The following DPP6 variants were observed in gnomAD, a reference collection of about 807,000 sequenced individuals.
The protein encoded by DPP6 is A-type potassium channel modulatory protein DPP6.
In DPP6, 69 loss-of-function variants were observed where a neutral mutation model predicts 122.6. That is an observed-to-expected ratio of 0.56 (90% confidence interval 0.46 to 0.69). DPP6 has a LOEUF of 0.69. Among genes scored for constraint, DPP6 ranks in the 30% least tolerant of loss-of-function variants. DPP6 has a pLI of 0.00. For synonymous variants in DPP6, 418 were observed against 433.1 expected (o/e 0.97, Z 0.43); for missense variants, 928 against 1,116.9 (o/e 0.83, Z 2.41).
the DPP6 span, among the ~76,000 whole-genome samples, chr7:153,786,730 C>G: frequency 1.0e-5 from 1 of 96,488 alleles, no homozygotes; most frequent in Non-Finnish European, 2.2e-5. Context: ...CAGAGCGAGA[C>G]TCCGTCTCAG....
intron 3 of DPP6, among the ~76,000 whole-genome samples, chr7:154,524,752 G>A (rs761057248): frequency 6.6e-6 from 1 of 152,192 alleles, no homozygotes; most frequent in African/African-American, 2.4e-5. Flanking sequence ...TGAGCCTAGA[G>A]TCATGAGAAA....
At chr7:154,143,839 G>A (rs1419310938) in intron 1 of DPP6, among the ~76,000 whole-genome samples, 8 of 151,710 alleles carry the variant, frequency 5.3e-5, no homozygotes, top group African/African-American at 1.2e-4. Flanking sequence ...CCAATTATAC[G>A]CAATAGCACA....
intron 1 of DPP6, among the ~76,000 whole-genome samples, chr7:154,422,882 G>T (rs1308299959): frequency 6.6e-6 from 1 of 152,148 alleles, no homozygotes; most frequent in South Asian, 2.1e-4. Context: ...CAGCTGGCTT[G>T]CAATAAATAA....
intron 8 of DPP6, among the ~76,000 whole-genome samples, chr7:154,763,052 C>A (rs1002260252): frequency 6.6e-6 from 1 of 152,254 alleles, no homozygotes; most frequent in African/African-American, 2.4e-5. Flanking sequence ...CTGCTGCCAG[C>A]TGGGTGCGGT....
intron 6 of DPP6, among the ~76,000 whole-genome samples, chr7:154,652,408 T>G (rs1298118998): frequency 3.9e-4 from 3 of 7,726 alleles, no homozygotes; most frequent in East Asian, 0.17. Flanking sequence ...GTCTGTGGTT[T>G]TTTTTTTTTT....
intron 1 of DPP6, among the ~76,000 whole-genome samples, chr7:154,383,629 C>A (rs1213383708): frequency 6.6e-6 from 1 of 152,128 alleles, no homozygotes; most frequent in East Asian, 1.9e-4. Context: ...GTGGCTCACG[C>A]CTGTAATCCC....
chr7:154,382,039 G>A (rs1490328800), intron 1 of DPP6, among the ~76,000 whole-genome samples: 2 of 150,124 alleles, frequency 1.3e-5, no homozygotes, highest in Non-Finnish European at 3.0e-5. Flanking sequence ...CTTGAGTGGG[G>A]CTTTTTTCTT....
intron 1 of DPP6, among the ~76,000 whole-genome samples, chr7:154,324,465 C>A (rs1294857433): frequency 6.6e-6 from 1 of 152,174 alleles, no homozygotes; most frequent in Non-Finnish European, 1.5e-5. Flanking sequence ...CAAAACCTAG[C>A]CTCAGCTTGA....
rs568465973 is a variant in DPP6 at position 154,795,866 on chromosome 7, G to A, written c.1282G>A (p.Ala428Thr). Residue 428 changes from alanine to threonine, a missense_variant, in exon 12 of 26, where the codon GCC becomes ACC. Coordinates refer to ENST00000377770, the MANE Select transcript of DPP6 (RefSeq NM_130797.4). Reference sequence around the variant, plus strand: ...TCAGAAACACGAGGATGAAAGTGAGGCCTGGCTCCACAGACAGGTAACTAC... The same window carrying A: ...TCAGAAACACGAGGATGAAAGTGAGACCTGGCTCCACAGACAGGTAACTAC... ...CTKKHEDESE[A>T]WLHRQNEEPV... 5 of 1,612,590 alleles carry A rather than the reference G, an allele frequency of 3.1e-6. No individual in the cohort carries two copies. In the South Asian group the frequency reaches 3.3e-5, roughly 11 times the overall value.
At chr7:153,843,379 C>T in the DPP6 span, among the ~76,000 whole-genome samples, 1 of 152,230 alleles carries the variant, frequency 6.6e-6, no homozygotes. Flanking sequence ...TCTCTCACAA[C>T]TACTGAACTC....
At chr7:154,164,404 C>G (rs775828930) in intron 1 of DPP6, among the ~76,000 whole-genome samples, 1 of 152,044 alleles carries the variant, frequency 6.6e-6, no homozygotes, top group Non-Finnish European at 1.5e-5. Flanking sequence ...AAAACATTGT[C>G]GTTGTGTTTG....
chr7:153,844,972 A>G, the DPP6 span, among the ~76,000 whole-genome samples: 1 of 152,212 alleles, frequency 6.6e-6, no homozygotes, highest in Non-Finnish European at 1.5e-5. Flanking sequence ...ACCAGGAGCA[A>G]TACAAGGAGG....
chr7:154,582,806 A>G (rs1311707840), intron 5 of DPP6, among the ~76,000 whole-genome samples: 2 of 150,464 alleles, frequency 1.3e-5, no homozygotes, highest in African/African-American at 4.9e-5. Context: ...CTCCCCACTC[A>G]CTCTTCCGTG....
chr7:154,723,545 T>A (rs1179740336), intron 7 of DPP6, among the ~76,000 whole-genome samples: 1 of 152,026 alleles, frequency 6.6e-6, no homozygotes, highest in Non-Finnish European at 1.5e-5. Context: ...TGAAATTAAA[T>A]TAGGTTGTAT....
chr7:154,616,609 G>A (rs1254584714), intron 5 of DPP6, among the ~76,000 whole-genome samples: 1 of 152,100 alleles, frequency 6.6e-6, no homozygotes, highest in East Asian at 1.9e-4. Flanking sequence ...TCCCCAAGGG[G>A]GTCACCAGAG....
At chr7:154,661,595 T>C (rs1837656047) in intron 6 of DPP6, among the ~76,000 whole-genome samples, 1 of 139,870 alleles carries the variant, frequency 7.1e-6, no homozygotes, top group African/African-American at 2.8e-5. Flanking sequence ...TTGGCCGTAG[T>C]GTTCATATAG....
chr7:154,796,657 C>T (rs1172060234), intron 12 of DPP6, among the ~76,000 whole-genome samples: 1 of 152,166 alleles, frequency 6.6e-6, no homozygotes, highest in Non-Finnish European at 1.5e-5. Context: ...ACTTCAGTCT[C>T]ATGAATTATG....
the DPP6 span, among the ~76,000 whole-genome samples, chr7:153,760,213 T>C: frequency 1.3e-5 from 2 of 152,224 alleles, no homozygotes; most frequent in Admixed American, 6.5e-5. Context: ...CCAGTGTATT[T>C]TTTGTTGTGC....
Position 154,833,212 on chromosome 7 carries a change from C to A in DPP6, c.1667-20568C>A, listed in dbSNP as rs1189500631. 1.3e-5 allele frequency among the ~76,000 whole-genome samples: 2 copies of A among 152,178 alleles called. No individual in the cohort carries two copies. Among genetic ancestry groups the A allele is most frequent in the Non-Finnish European group, 2.9e-5 (2 of 68,042 alleles). ...GGAGCAGTGCAGAAGAGTGAGGGTC[C>A]CGGGGTCCCAGTGCCCTGCCAGCAT... On this transcript the variant is annotated intron_variant, in intron 16 of 25. Coordinates refer to ENST00000377770, the MANE Select transcript of DPP6 (RefSeq NM_130797.4). The surrounding 1 kb of genome is among the most constrained non-coding windows in gnomAD (Gnocchi z 4.3).
Sources: gnomAD v4.1 joint callset for allele counts (sites outside exome capture counted in the v4.1 genomes callset) on GRCh38, gnomAD v4.1.1 for gene constraint, Gnocchi (gnomAD v3.1) non-coding constraint, MANE v1.5 for transcripts, NCBI Gene and HGNC (gene_info 2026-07-23, HGNC 2026-07-21) for gene names.